The following ZFYVE9 variants were observed in gnomAD, a reference collection of about 807,000 sequenced individuals.
ZFYVE9 encodes the protein zinc finger FYVE-type containing 9.
Under a neutral mutation model 126.7 loss-of-function variants are expected in ZFYVE9, and 43 were observed. The observed-to-expected ratio is 0.34, with a 90% CI of 0.27 to 0.44. The LOEUF (loss-of-function observed/expected upper bound fraction) is 0.44, where lower values mean the gene tolerates loss of function less well. Among genes scored for constraint, ZFYVE9 ranks in the 20% least tolerant of loss-of-function variants. The pLI is 1.00. For synonymous variants in ZFYVE9, 521 were observed against 597.4 expected, an observed-to-expected ratio of 0.87 and a Z score of 1.87; for missense variants, 1,476 against 1,697.0, an observed-to-expected ratio of 0.87 and a Z score of 2.29.
Position 52,268,454 on chromosome 1 carries a change from C to T in ZFYVE9, c.2456-9C>T, listed in dbSNP as rs1195815621. The T allele has an allele frequency of 1.2e-6, 2 of 1,606,802 alleles. No homozygotes were observed. Among genetic ancestry groups the T allele is most frequent in the African/African-American group, 2.7e-5 (2 of 74,904 alleles). On this transcript the variant is annotated splice_polypyrimidine_tract_variant and intron_variant, in intron 6 of 18. Transcript: ENST00000287727. ...ATTGATGCCTGTTTTATTTTTCTGG[C>T]CCCTCAAGTGGCTCAGCCCAGAGAG...
At chr1:52,192,995 T>C (rs918423374) in intron 1 of ZFYVE9, among the ~76,000 whole-genome samples, 17 of 152,194 alleles carry the variant, frequency 1.1e-4, no homozygotes, top group Non-Finnish European at 1.2e-4. Flanking sequence ...TTATTATTAC[T>C]GTTTTATTGA....
intron 4 of ZFYVE9, among the ~76,000 whole-genome samples, chr1:52,261,524 A>ATTGG (rs1645580552): frequency 6.6e-6 from 1 of 152,226 alleles, no homozygotes; most frequent in Non-Finnish European, 1.5e-5. Context: ...CTTGGTGCCC[A>ATTGG]GTACATAGTA....
chr1:52,303,847 G>C lies in ZFYVE9; in HGVS notation c.3360G>C (p.Leu1120Phe). 6.3e-7 allele frequency: 1 copy of C among 1,593,924 alleles called. No homozygotes were observed. Among genetic ancestry groups the C allele is most frequent in the South Asian group, 1.1e-5 (1 of 87,014 alleles). The change falls in exon 13 of 19, where the codon TTG becomes TTC. Residue 1120 changes from leucine to phenylalanine, a missense_variant. Leu to Phe is a conservative substitution (Grantham distance 22). Coordinates refer to ENST00000287727, the MANE Select transcript of ZFYVE9 (RefSeq NM_004799.4). ...LADFRNYQYTLPVVQGLVVDM... is the reference protein window; with the variant it reads ...LADFRNYQYTFPVVQGLVVDM... ...ACTTCAGAAATTACCAGTATACCTT[G>C]CCAGTAGTTCAAGGTTTGGTGGTTG...
intron 1 of ZFYVE9, among the ~76,000 whole-genome samples, chr1:52,195,912 C>T (rs1480038347): frequency 1.3e-5 from 2 of 152,020 alleles, no homozygotes; most frequent in Non-Finnish European, 2.9e-5. Context: ...CCTGCCTCAG[C>T]CTCCCGAGTA....
intron 1 of ZFYVE9, among the ~76,000 whole-genome samples, chr1:52,156,872 G>A (rs1489747915): frequency 2.7e-5 from 4 of 147,846 alleles, no homozygotes; most frequent in Admixed American, 6.9e-5. Context: ...TCTCGCTGTC[G>A]CCCAGGCTGG....
At chr1:52,194,444 T>C (rs1644843069) in intron 1 of ZFYVE9, among the ~76,000 whole-genome samples, 1 of 152,088 alleles carries the variant, frequency 6.6e-6, no homozygotes, top group African/African-American at 2.4e-5. Context: ...ATAAGGAATA[T>C]TTGTAGGCAG....
intron 13 of ZFYVE9, among the ~76,000 whole-genome samples, chr1:52,309,411 C>T (rs113564798): frequency 1.2e-4 from 19 of 152,156 alleles, no homozygotes; most frequent in African/African-American, 2.2e-4. Flanking sequence ...CCCAGGAAGT[C>T]GAGACTGCAG....
At chr1:52,143,512 A>G (rs1484908929) in intron 1 of ZFYVE9, among the ~76,000 whole-genome samples, 1 of 152,228 alleles carries the variant, frequency 6.6e-6, no homozygotes, top group Non-Finnish European at 1.5e-5. Flanking sequence ...GGAATTATAG[A>G]AAGGTACCAT....
chr1:52,301,168 C>G (rs975212177), intron 12 of ZFYVE9, among the ~76,000 whole-genome samples: 9 of 151,518 alleles, frequency 5.9e-5, no homozygotes, highest in African/African-American at 2.2e-4. Flanking sequence ...CCCGAGTTTT[C>G]TTCTTTGAGT....
chr1:52,297,531 G>T (rs188689659), intron 12 of ZFYVE9, among the ~76,000 whole-genome samples: 5 of 152,042 alleles, frequency 3.3e-5, no homozygotes, highest in Non-Finnish European at 7.4e-5. Context: ...GAGCCACCAT[G>T]CCCAGCCAAA....
intron 4 of ZFYVE9, among the ~76,000 whole-genome samples, chr1:52,257,454 A>C (rs1392429605): frequency 6.6e-6 from 1 of 152,210 alleles, no homozygotes; most frequent in African/African-American, 2.4e-5. Flanking sequence ...GGAACCTTTT[A>C]ACCAGTACTT....
At chr1:52,312,291 A>G (rs537946559) in intron 13 of ZFYVE9, among the ~76,000 whole-genome samples, 1 of 152,218 alleles carries the variant, frequency 6.6e-6, no homozygotes, top group Non-Finnish European at 1.5e-5. Context: ...TATTTAATAT[A>G]AGGAAAAGAA....
intron 10 of ZFYVE9, among the ~76,000 whole-genome samples, chr1:52,284,096 GTCT>G (rs149183542): frequency 0.036 from 5,545 of 152,236 alleles, 140 homozygotes; most frequent in Non-Finnish European, 0.056. Flanking sequence ...GTGTATGTTG[GTCT>G]TCTTCTATTC....
intron 2 of ZFYVE9, among the ~76,000 whole-genome samples, chr1:52,232,038 A>T (rs1394503147): frequency 6.6e-6 from 1 of 152,214 alleles, no homozygotes; most frequent in East Asian, 1.9e-4. Flanking sequence ...ACACTACCTT[A>T]GTAAGTCAAA....
At chr1:52,295,769 C>T (rs943338570) in intron 11 of ZFYVE9, 126 bp from the exon 12 acceptor site, 9 of 722,090 alleles carry the variant, frequency 1.2e-5, no homozygotes, top group Non-Finnish European at 1.8e-5. Context: ...ACTTTTTGAG[C>T]CCAAAATTTG....
Position 52,281,686 on chromosome 1 carries a change from C to G in ZFYVE9, c.2895C>G (p.Phe965Leu). Residue 965 changes from phenylalanine to leucine, a missense_variant, in exon 10 of 19, where the codon TTC becomes TTG. Phe to Leu is a conservative substitution (Grantham distance 22). Around this residue, in one of 2 missense-constraint regions of ZFYVE9, gnomAD observed 669 missense variants for 902.4 expected, o/e 0.74. Transcript: ENST00000287727. ...VNYVNRKCWC[F>L]TTKGMHAVGQ... ...ATGTGAACAGGAAGTGCTGGTGTTT[C>G]ACAACCAAGGGAATGCATGCAGTGG... 6.2e-7 allele frequency: 1 copy of G among 1,614,038 alleles called. No individual in the cohort carries two copies. The highest frequency in any genetic ancestry group is 8.5e-7 in the Non-Finnish European group (1 of 1,180,004).
chr1:52,142,932 C>A lies in ZFYVE9; in HGVS notation c.-143+529C>A, dbSNP rs570970416. Among the ~76,000 whole-genome samples the A allele has an allele frequency of 2.1e-4, 32 of 152,248 alleles. No individual in the cohort carries two copies. The highest frequency in any genetic ancestry group is 3.8e-4 in the Non-Finnish European group (26 of 68,004). On this transcript the variant is annotated intron_variant, in intron 1 of 18. Transcript: ENST00000287727. This position sits in a 1 kb window ranked among gnomAD's most constrained non-coding sequence, Gnocchi z 4.5. ...TACTCCTGGAGTGTCATTCATGGAT[C>A]TGGCTTGCTCGAGAACAACCTTTTG...
Position 52,332,757 on chromosome 1 carries a change from TTTGA to T in ZFYVE9, c.3439-7_3439-4del. On this transcript the variant is annotated splice_region_variant and splice_polypyrimidine_tract_variant and intron_variant, in intron 13 of 18. Coordinates refer to ENST00000287727, the MANE Select transcript of ZFYVE9 (RefSeq NM_004799.4). ...ATTCTTGTCAGAATAAGGTTATCTC[TTTGA>T]TTGCAGATGATGAAAGCCATGAACA... is the stretch of plus-strand genomic sequence containing the variant. 2 of 1,612,408 alleles carry T rather than the reference TTTGA, an allele frequency of 1.2e-6. No individual in the cohort carries two copies. Among genetic ancestry groups the T allele is most frequent in the East Asian group, 4.5e-5 (2 of 44,856 alleles).
intron 5 of ZFYVE9, 43 bp downstream of exon 5, chr1:52,263,915 A>G (rs748176452): frequency 7.4e-7 from 1 of 1,342,914 alleles, no homozygotes; most frequent in Admixed American, 2.1e-5. Flanking sequence ...TTGAGACAAA[A>G]CAAGGGAATT....
Sources: gnomAD v4.1 joint callset for allele counts (sites outside exome capture counted in the v4.1 genomes callset) on GRCh38, gnomAD v4.1.1 for gene constraint, gnomAD v4.1.1 regional missense constraint, Gnocchi (gnomAD v3.1) non-coding constraint, MANE v1.5 for transcripts, NCBI Gene and HGNC (gene_info 2026-07-23, HGNC 2026-07-21) for gene names.